ERBB4: variants seen among roughly 807,000 people sequenced by gnomAD.
The protein encoded by ERBB4 is receptor tyrosine-protein kinase erbB-4.
A neutral mutation model predicts 158.0 loss-of-function variants in ERBB4; 42 were observed. That is an observed-to-expected ratio of 0.27 (90% confidence interval 0.21 to 0.34). The LOEUF is 0.34. Among genes scored for constraint, ERBB4 ranks in the 10% least tolerant of loss-of-function variants. The pLI is 1.00. For synonymous variants in ERBB4, 583 were observed against 558.7 expected, an observed-to-expected ratio of 1.04 and a Z score of -0.61; for missense variants, 1,333 against 1,624.1, an observed-to-expected ratio of 0.82 and a Z score of 3.08.
chr2:212,185,441 T>C (rs1453475092), intron 1 of ERBB4, among the ~76,000 whole-genome samples: 1 of 152,072 alleles, frequency 6.6e-6, no homozygotes, highest in Non-Finnish European at 1.5e-5. Flanking sequence ...TCAATTATTT[T>C]GATATTCAGA....
intron 20 of ERBB4, among the ~76,000 whole-genome samples, chr2:211,536,504 T>C (rs1176937670): frequency 6.6e-6 from 1 of 151,838 alleles, no homozygotes; most frequent in East Asian, 1.9e-4. Context: ...AAAGTCCCAC[T>C]CTCCAGGCCC....
chr2:212,066,582 T>G (rs1323752197), intron 2 of ERBB4, among the ~76,000 whole-genome samples: 1 of 152,024 alleles, frequency 6.6e-6, no homozygotes, highest in Non-Finnish European at 1.5e-5. Context: ...CCTAGAAATC[T>G]GATATGTTTT....
intron 1 of ERBB4, among the ~76,000 whole-genome samples, chr2:212,155,224 AATT>A (rs2080997023): frequency 6.6e-6 from 1 of 152,106 alleles, no homozygotes; most frequent in Non-Finnish European, 1.5e-5. Flanking sequence ...AATAACTCAT[AATT>A]ATTTACCCAC....
chr2:212,043,070 T>C (rs537781693), intron 2 of ERBB4, among the ~76,000 whole-genome samples: 10 of 152,292 alleles, frequency 6.6e-5, no homozygotes, highest in Middle Eastern at 3.4e-3. Flanking sequence ...AAGAGCCAGA[T>C]GGGCCCTGCC....
At chr2:211,704,500 T>G (rs959689064) in intron 10 of ERBB4, among the ~76,000 whole-genome samples, 6 of 152,212 alleles carry the variant, frequency 3.9e-5, no homozygotes, top group African/African-American at 1.4e-4. Flanking sequence ...CTTTTACGTC[T>G]TCATCTGTTC....
intron 1 of ERBB4, among the ~76,000 whole-genome samples, chr2:212,130,465 A>T (rs2080075686): frequency 6.6e-6 from 1 of 152,152 alleles, no homozygotes; most frequent in Non-Finnish European, 1.5e-5. Context: ...TAGCAACATA[A>T]AAAGGTTGGT....
Position 212,269,042 on chromosome 2 carries a change from A to T in ERBB4, c.83-144139T>A, listed in dbSNP as rs184644091. Among the ~76,000 whole-genome samples, 1,176 of 151,774 alleles carry T rather than the reference A, an allele frequency of 7.7e-3. 10 individuals carry two copies. Among genetic ancestry groups the T allele is most frequent in the Non-Finnish European group, 0.013 (903 of 67,894 alleles). On this transcript the variant is annotated intron_variant, in intron 1 of 27. Coordinates refer to ENST00000342788, the MANE Select transcript of ERBB4 (RefSeq NM_005235.3). The stretch of plus-strand genomic sequence containing the variant: ...GCAAAAAGAAAAAAAATGTAGTTTT[A>T]AAATCCTTTCAGTTATATAATGCAC...
intron 1 of ERBB4, among the ~76,000 whole-genome samples, chr2:212,250,575 C>G (rs1205491364): frequency 6.6e-6 from 1 of 151,818 alleles, no homozygotes; most frequent in East Asian, 1.9e-4. Flanking sequence ...GGATTAATAA[C>G]AGGAAACATC....
intron 4 of ERBB4, among the ~76,000 whole-genome samples, chr2:211,764,842 C>T (rs1209800711): frequency 6.6e-6 from 1 of 152,116 alleles, no homozygotes; most frequent in East Asian, 1.9e-4. Context: ...TACAAATGCT[C>T]AGAAAGTTCA....
intron 3 of ERBB4, among the ~76,000 whole-genome samples, chr2:211,795,650 A>G (rs1329534390): frequency 6.6e-6 from 1 of 151,858 alleles, no homozygotes; most frequent in Non-Finnish European, 1.5e-5. Flanking sequence ...GGAGTTTCCA[A>G]CTGGCAAAAA....
chr2:212,380,443 C>T (rs2090465109), intron 1 of ERBB4, among the ~76,000 whole-genome samples: 1 of 139,232 alleles, frequency 7.2e-6, no homozygotes. Context: ...ACCTCAGATA[C>T]TGAGGAATGA....
At chr2:211,572,508 A>C (rs2067759821) in intron 19 of ERBB4, among the ~76,000 whole-genome samples, 3 of 152,154 alleles carry the variant, frequency 2.0e-5, no homozygotes. Context: ...ATTTGGGTTC[A>C]GCCAGTGCAA....
At chr2:211,701,836 ACCTT>A (rs1258938480) in intron 12 of ERBB4, 127 bp downstream of exon 12, 2 of 675,504 alleles carry the variant, frequency 3.0e-6, no homozygotes, top group Admixed American at 4.7e-5. Context: ...TGTAACAACT[ACCTT>A]CCTTTTTAAG....
intron 1 of ERBB4, among the ~76,000 whole-genome samples, chr2:212,413,251 G>C (rs1182884679): frequency 6.7e-6 from 1 of 149,396 alleles, no homozygotes; most frequent in African/African-American, 2.5e-5. Context: ...CTCCCAAAGT[G>C]CTGGGATTAC....
intron 1 of ERBB4, among the ~76,000 whole-genome samples, chr2:212,464,796 A>C (rs1336533160): frequency 1.3e-5 from 2 of 152,078 alleles, no homozygotes; most frequent in African/African-American, 4.8e-5. Context: ...TGACTTTTGA[A>C]AACAGCAACA....
chr2:212,034,226 G>A (rs2076964576), intron 2 of ERBB4, among the ~76,000 whole-genome samples: 1 of 151,590 alleles, frequency 6.6e-6, no homozygotes, highest in African/African-American at 2.4e-5. Flanking sequence ...TTCTCTGCAG[G>A]GAATATCAAT....
At chr2:212,325,390 T>C (rs1487489339) in intron 1 of ERBB4, among the ~76,000 whole-genome samples, 1 of 150,540 alleles carries the variant, frequency 6.6e-6, no homozygotes, top group Non-Finnish European at 1.5e-5. Context: ...ATGGGGAAGC[T>C]TTCCCATTTA....
intron 1 of ERBB4, among the ~76,000 whole-genome samples, chr2:212,142,562 TCAAA>T (rs1260099123): frequency 1.3e-5 from 2 of 148,254 alleles, no homozygotes; most frequent in East Asian, 2.0e-4. Context: ...TCAGAAAAGG[TCAAA>T]CAGTTAAATA....
At chr2:212,197,547 T>A (rs2082465141) in intron 1 of ERBB4, among the ~76,000 whole-genome samples, 1 of 152,192 alleles carries the variant, frequency 6.6e-6, no homozygotes, top group African/African-American at 2.4e-5. Flanking sequence ...GCTCGTACCA[T>A]AAATACAGAA....
Sources: gnomAD v4.1 joint callset for allele counts (sites outside exome capture counted in the v4.1 genomes callset) on GRCh38, gnomAD v4.1.1 for gene constraint, MANE v1.5 for transcripts, NCBI Gene and HGNC (gene_info 2026-07-23, HGNC 2026-07-21) for gene names.